The following NRXN1 variants were observed in gnomAD, a reference collection of about 807,000 sequenced individuals.
The protein encoded by NRXN1 is neurexin-1.
A neutral mutation model predicts 150.9 loss-of-function variants in NRXN1; 39 were observed. That is an observed-to-expected ratio of 0.26 (90% CI 0.20 to 0.34). NRXN1 has a LOEUF of 0.34. Ranked by LOEUF, NRXN1 falls within the 10% of genes least tolerant of loss-of-function variation. The pLI, the probability that NRXN1 is intolerant of heterozygous loss-of-function variation, is 1.00. For synonymous variants in NRXN1, 924 were observed against 757.0 expected (o/e 1.22, Z -3.62); for missense variants, 1,815 against 1,949.9 (o/e 0.93, Z 1.30).
At chr2:50,610,250 T>G (rs1157437551) in intron 8 of NRXN1, among the ~76,000 whole-genome samples, 2 of 152,092 alleles carry the variant, frequency 1.3e-5, no homozygotes, top group East Asian at 3.9e-4. Context: ...AAACTTAAAT[T>G]TATATGAAGG....
At chr2:50,340,480 C>A (rs2077473869) in intron 17 of NRXN1, among the ~76,000 whole-genome samples, 4 of 152,122 alleles carry the variant, frequency 2.6e-5, no homozygotes, top group Admixed American at 2.0e-4. Flanking sequence ...AGCCTGACCA[C>A]CACGCCATGG....
chr2:50,840,093 C>T (rs750562653), intron 5 of NRXN1, among the ~76,000 whole-genome samples: 1 of 152,086 alleles, frequency 6.6e-6, no homozygotes, highest in Non-Finnish European at 1.5e-5. Flanking sequence ...ATTAATAACT[C>T]CTCCTGTAAT....
intron 5 of NRXN1, among the ~76,000 whole-genome samples, chr2:50,811,739 A>G (rs1668243137): frequency 1.3e-5 from 2 of 152,188 alleles, no homozygotes; most frequent in Non-Finnish European, 2.9e-5. Context: ...ATAAACTTTT[A>G]TATGACTCTA....
chr2:50,735,651 T>C (rs1442724745), intron 5 of NRXN1, among the ~76,000 whole-genome samples: 1 of 152,190 alleles, frequency 6.6e-6, no homozygotes, highest in African/African-American at 2.4e-5. Flanking sequence ...TGTAATTTAA[T>C]AACTCTCTTT....
chr2:50,957,817 C>T (rs1692508273), intron 2 of NRXN1, among the ~76,000 whole-genome samples: 1 of 151,896 alleles, frequency 6.6e-6, no homozygotes, highest in African/African-American at 2.4e-5. Flanking sequence ...TTTCAAATGA[C>T]ATTTAAAACA....
chr2:50,191,979 A>G (rs2602007), intron 18 of NRXN1, among the ~76,000 whole-genome samples: 150,737 of 152,258 alleles, frequency 0.99, 74,615 homozygotes, highest in East Asian at 1. Context: ...TTCATATGCT[A>G]TATAAAAATG....
intron 20 of NRXN1, among the ~76,000 whole-genome samples, chr2:50,054,741 G>T (rs1485068221): frequency 6.6e-6 from 1 of 152,028 alleles, no homozygotes; most frequent in Non-Finnish European, 1.5e-5. Context: ...AGTTAACTGG[G>T]TAAGATTATT....
intron 5 of NRXN1, among the ~76,000 whole-genome samples, chr2:50,838,992 T>C (rs1413024639): frequency 6.6e-6 from 1 of 152,128 alleles, no homozygotes; most frequent in African/African-American, 2.4e-5. Context: ...TACAGTTACT[T>C]CAGACAGAAC....
chr2:50,145,937 G>A (rs1166185436), intron 18 of NRXN1, among the ~76,000 whole-genome samples: 1 of 151,394 alleles, frequency 6.6e-6, no homozygotes, highest in Non-Finnish European at 1.5e-5. Context: ...ACTGAATTAT[G>A]TCAGTAGTCT....
intron 17 of NRXN1, among the ~76,000 whole-genome samples, chr2:50,242,593 T>G (rs2066116368): frequency 6.6e-6 from 1 of 151,766 alleles, no homozygotes; most frequent in South Asian, 2.1e-4. Flanking sequence ...GTAATGAGTT[T>G]CTACCTATAA....
At chr2:50,462,647 T>C (rs184365988) in intron 17 of NRXN1, among the ~76,000 whole-genome samples, 14 of 151,920 alleles carry the variant, frequency 9.2e-5, no homozygotes, top group African/African-American at 3.4e-4. Context: ...GTCACTTAGA[T>C]GGCAATTTTC....
intron 19 of NRXN1, among the ~76,000 whole-genome samples, chr2:50,090,828 A>ATTGTTTTC (rs1319279395): frequency 3.3e-5 from 5 of 151,970 alleles, no homozygotes; most frequent in Non-Finnish European, 2.9e-5. Flanking sequence ...TTATGCTACT[A>ATTGTTTTC]TTGTTTTCTC....
At chr2:50,373,679 A>AAGGAAGGAAAGAAAGAAAG (rs766534624) in intron 17 of NRXN1, among the ~76,000 whole-genome samples, 8 of 65,676 alleles carry the variant, frequency 1.2e-4, no homozygotes, top group African/African-American at 3.6e-4. Flanking sequence ...AGAAAGAAAG[A>AAGGAAGGAAAGAAAGAAAG]AAAGAAAGAA....
chr2:50,191,697 T>C (rs1574416571), intron 18 of NRXN1, among the ~76,000 whole-genome samples: 1 of 152,246 alleles, frequency 6.6e-6, no homozygotes. Flanking sequence ...ACTTCTTCTG[T>C]TGGACTTTTT....
At chr2:50,554,251 T>C (rs1667914765) in intron 8 of NRXN1, among the ~76,000 whole-genome samples, 1 of 152,082 alleles carries the variant, frequency 6.6e-6, no homozygotes, top group Non-Finnish European at 1.5e-5. Flanking sequence ...ACAGGAAAAA[T>C]AAGACAGCCT....
intron 18 of NRXN1, among the ~76,000 whole-genome samples, chr2:50,219,922 C>CTATATTATATATATTATATATTATA (rs1559114858): frequency 2.3e-5 from 2 of 87,956 alleles, no homozygotes; most frequent in African/African-American, 1.2e-4. Flanking sequence ...AAATCTCTCT[C>CTATATTATATATATTATATATTATA]TATATTATAT....
intron 17 of NRXN1, among the ~76,000 whole-genome samples, chr2:50,417,874 A>C (rs548162061): frequency 6.6e-6 from 1 of 152,178 alleles, no homozygotes; most frequent in Non-Finnish European, 1.5e-5. Flanking sequence ...AATGTAAAGA[A>C]GGAATAAGGG....
intron 2 of NRXN1, among the ~76,000 whole-genome samples, chr2:50,931,275 A>T (rs1323060619): frequency 1.3e-5 from 2 of 151,986 alleles, no homozygotes; most frequent in African/African-American, 2.4e-5. Context: ...ATATTAAAAT[A>T]CTCTTAACTT....
At chr2:50,509,081 G>GA (rs2092354763) in intron 12 of NRXN1, among the ~76,000 whole-genome samples, 3 of 152,254 alleles carry the variant, frequency 2.0e-5, no homozygotes, top group Non-Finnish European at 1.5e-5. Flanking sequence ...TTAATCTGCA[G>GA]ATGTGAAACT....
Sources: gnomAD v4.1 joint callset for allele counts (sites outside exome capture counted in the v4.1 genomes callset) on GRCh38, gnomAD v4.1.1 for gene constraint, MANE v1.5 for transcripts, NCBI Gene and HGNC (gene_info 2026-07-23, HGNC 2026-07-21) for gene names.